Variants in SYT9 observed in about 807,000 individuals in gnomAD.
The protein encoded by SYT9 is synaptotagmin-9.
A neutral mutation model predicts 48.4 loss-of-function variants in SYT9; 22 were observed. The ratio of observed to expected loss-of-function variants is 0.45; its 90% CI spans 0.32 to 0.65. The LOEUF (loss-of-function observed/expected upper bound fraction) is 0.65, where lower values mean the gene tolerates loss of function less well. Ranked by LOEUF, SYT9 falls within the 30% of genes least tolerant of loss-of-function variation. SYT9 has a pLI of 0.03. For missense variants in SYT9, 577 were observed against 622.0 expected (o/e 0.93, Z 0.77); for synonymous variants, 265 against 245.0 (o/e 1.08, Z -0.76).
intron 6 of SYT9, among the ~76,000 whole-genome samples, chr11:7,425,004 A>G (rs191464564): frequency 7.9e-5 from 12 of 152,332 alleles, no homozygotes; most frequent in Admixed American, 1.3e-4. Flanking sequence ...ACTTAGAGTC[A>G]AAGGACTACA....
intron 6 of SYT9, among the ~76,000 whole-genome samples, chr11:7,421,479 CT>C (rs1448025974): frequency 6.6e-5 from 10 of 152,208 alleles, no homozygotes; most frequent in African/African-American, 2.4e-4. Context: ...GAAATGTAAC[CT>C]TTTTGTTGGG....
chr11:7,323,180 T>C (rs1318203128), intron 3 of SYT9, among the ~76,000 whole-genome samples: 1 of 152,148 alleles, frequency 6.6e-6, no homozygotes, highest in African/African-American at 2.4e-5. Context: ...GGTAAATACA[T>C]GCAGGAATTT....
intron 3 of SYT9, among the ~76,000 whole-genome samples, chr11:7,413,368 C>T (rs1051172445): frequency 2.0e-5 from 3 of 152,144 alleles, no homozygotes; most frequent in African/African-American, 7.2e-5. Context: ...CTGTGCTGCT[C>T]AGGGCTTACA....
chr11:7,289,117 C>T (rs554083942), intron 1 of SYT9, among the ~76,000 whole-genome samples: 2 of 152,326 alleles, frequency 1.3e-5, no homozygotes, highest in African/African-American at 4.8e-5. Flanking sequence ...CTGCCTCAGT[C>T]TCCAGAGCAT....
intron 3 of SYT9, among the ~76,000 whole-genome samples, chr11:7,397,786 C>T (rs1452543930): frequency 6.6e-6 from 1 of 152,098 alleles, no homozygotes; most frequent in African/African-American, 2.4e-5. Flanking sequence ...TTAAATTTTA[C>T]TCCTCAATTA....
At chr11:7,443,508 G>C (rs977714850) in intron 6 of SYT9, among the ~76,000 whole-genome samples, 6 of 152,234 alleles carry the variant, frequency 3.9e-5, no homozygotes, top group African/African-American at 1.4e-4. Flanking sequence ...CTGAATGCAT[G>C]AAAGAGGCTG....
At chr11:7,347,233 AAT>A (rs1849815214) in intron 3 of SYT9, among the ~76,000 whole-genome samples, 1 of 105,726 alleles carries the variant, frequency 9.5e-6, no homozygotes, top group African/African-American at 3.5e-5. Flanking sequence ...TTTTCATCAA[AAT>A]ATTTTTTTTT....
intron 3 of SYT9, among the ~76,000 whole-genome samples, chr11:7,382,231 C>T (rs543878369): frequency 6.6e-6 from 1 of 152,312 alleles, no homozygotes; most frequent in Admixed American, 6.5e-5. Context: ...CTTCATTGTT[C>T]TACAGTAGCG....
At position 7,252,133 on chromosome 11, in the gene SYT9, A is replaced by C; in HGVS notation, c.-54A>C. 7.4e-7 allele frequency: 1 copy of C among 1,350,646 alleles called. No individual in the cohort carries two copies. Among genetic ancestry groups the C allele is most frequent in the Non-Finnish European group, 9.5e-7 (1 of 1,056,220 alleles). 83.7% of individuals were successfully genotyped at this position (1,350,646 alleles called of 1,614,324 possible). A position where few individuals can be genotyped will look rare whatever the true frequency, so the allele number is the denominator to read the frequency against. ...GCGGCGGCTCTGAGCTGGCAGGCGG[A>C]GGGCTGTCTCCTGCGCCCGCCTGCC... On this transcript the variant is annotated 5_prime_UTR_variant, in exon 1 of 7. Transcript: ENST00000318881. The surrounding 1 kb of genome is among the most constrained non-coding windows in gnomAD (Gnocchi z 6.3).
chr11:7,376,047 A>T (rs909976535), intron 3 of SYT9, among the ~76,000 whole-genome samples: 1 of 152,048 alleles, frequency 6.6e-6, no homozygotes, highest in Non-Finnish European at 1.5e-5. Flanking sequence ...TCACCATTTA[A>T]TATACAATAT....
chr11:7,275,049 G>A (rs1019339368), intron 1 of SYT9, among the ~76,000 whole-genome samples: 3 of 151,820 alleles, frequency 2.0e-5, no homozygotes, highest in African/African-American at 4.8e-5. Flanking sequence ...TGTAAAGTTT[G>A]GGTTGTTGGT....
chr11:7,239,199 C>G (rs537263443), intron 1 of SYT9, among the ~76,000 whole-genome samples: 1 of 152,202 alleles, frequency 6.6e-6, no homozygotes, highest in South Asian at 2.1e-4. Flanking sequence ...CTCAAAGTAG[C>G]TTAAATAATA....
At chr11:7,287,113 AGGTTTAATT>A (rs1255825684) in intron 1 of SYT9, among the ~76,000 whole-genome samples, 3 of 152,210 alleles carry the variant, frequency 2.0e-5, no homozygotes, top group African/African-American at 7.2e-5. Context: ...TAAAGGAAAG[AGGTTTAATT>A]GACCCACAGT....
At chr11:7,324,695 GT>G (rs1849396872) in intron 3 of SYT9, among the ~76,000 whole-genome samples, 1 of 151,680 alleles carries the variant, frequency 6.6e-6, no homozygotes, top group South Asian at 2.1e-4. Flanking sequence ...ATATTGCATA[GT>G]TTTTTTAAGC....
At chr11:7,248,732 A>G (rs1458292449), upstream of SYT9, among the ~76,000 whole-genome samples, 2 of 152,238 alleles carry the variant, frequency 1.3e-5, no homozygotes, top group African/African-American at 4.8e-5. Flanking sequence ...GGATAGAATT[A>G]ATATTGTGAA....
chr11:7,295,540 T>C (rs756473268), intron 1 of SYT9, among the ~76,000 whole-genome samples: 17 of 152,344 alleles, frequency 1.1e-4, no homozygotes, highest in Admixed American at 5.2e-4. Context: ...TCTACAGCTC[T>C]CCTCTTTTCT....
chr11:7,340,813 G>T (rs982496108), intron 3 of SYT9, among the ~76,000 whole-genome samples: 14 of 152,236 alleles, frequency 9.2e-5, no homozygotes, highest in African/African-American at 3.1e-4. Context: ...AGTAGCCCCA[G>T]TGGGGAATAG....
chr11:7,385,069 A>G (rs907642334), intron 3 of SYT9, among the ~76,000 whole-genome samples: 4 of 151,810 alleles, frequency 2.6e-5, no homozygotes, highest in Non-Finnish European at 1.5e-5. Flanking sequence ...TTTCCTGCTT[A>G]TTTCTTCCCA....
rs370524299 is a variant in SYT9, at chr11:7,423,482, C to T, written c.1467+2847C>T. Among the ~76,000 whole-genome samples the T allele has an allele frequency of 5.9e-5, 9 of 152,264 alleles. No individual in the cohort carries two copies. The East Asian group carries it at 1.5e-3, about 26-fold the overall frequency. ...AGATGTTTGTTTTTCCCCTTCTGAA[C>T]CTCAGTGTTCTCATCTGTAAAGTGG... On this transcript the variant is annotated intron_variant, in intron 6 of 6. Transcript: ENST00000318881.
Sources: allele counts gnomAD v4.1 joint callset (sites outside exome capture counted in the v4.1 genomes callset), GRCh38; gene constraint gnomAD v4.1.1; non-coding constraint Gnocchi (gnomAD v3.1); transcripts MANE v1.5; gene names NCBI Gene and HGNC (gene_info 2026-07-23, HGNC 2026-07-21).